The following PIGN variants were observed in gnomAD, a reference collection of about 807,000 sequenced individuals.
PIGN encodes the protein GPI ethanolamine phosphate transferase 1.
Under a neutral mutation model 125.4 loss-of-function variants are expected in PIGN, and 117 were observed. That is an observed-to-expected ratio of 0.93 (90% CI 0.80 to 1.09). The LOEUF (loss-of-function observed/expected upper bound fraction) is 1.09, where lower values mean the gene tolerates loss of function less well. Among genes scored for constraint, PIGN ranks in the 50% least tolerant of loss-of-function variants. The probability of loss-of-function intolerance (pLI) is 0.00; values close to 1 mark genes in which losing one functional copy is unlikely to be tolerated. For missense variants in PIGN, 1,075 were observed against 1,094.9 expected (o/e 0.98, Z 0.26); for synonymous variants, 392 against 377.8 (o/e 1.04, Z -0.44).
intron 30 of PIGN, among the ~76,000 whole-genome samples, chr18:62,071,866 A>ATATATATATATATATGTG (rs1168163852): frequency 3.1e-4 from 1 of 3,248 alleles, no homozygotes; most frequent in African/African-American, 1.0e-3. Flanking sequence ...CCTTTTCCAT[A>ATATATATATATATATGTG]TATATATATA....
At chr18:62,066,402 T>C (rs528242979) in intron 30 of PIGN, among the ~76,000 whole-genome samples, 13 of 152,204 alleles carry the variant, frequency 8.5e-5, no homozygotes, top group African/African-American at 1.2e-4. Flanking sequence ...CTGTGAACGA[T>C]AGTATCTACT....
rs78142914 is a variant in PIGN, at chr18:62,164,846, A to G, written c.-235-1190T>C. On this transcript the variant is annotated intron_variant, in intron 1 of 30. Coordinates refer to ENST00000640252, the MANE Select transcript of PIGN (RefSeq NM_176787.5). ...GGAGACTATTAGAAAGCTAGTTAGT[A>G]TGTAAAATAGGCCAAGAAAGAGATT... 0.013 allele frequency among the ~76,000 whole-genome samples: 1,951 copies of G among 152,328 alleles called. 82 individuals are homozygous for G. The East Asian group carries it at 0.13, about 10-fold the overall frequency.
At chr18:62,039,701 G>C (rs2030318128), downstream of PIGN, among the ~76,000 whole-genome samples, 1 of 88,306 alleles carries the variant, frequency 1.1e-5, no homozygotes, top group African/African-American at 3.8e-5. Context: ...CGCACCCCAT[G>C]TTTAGGGCCC....
intron 23 of PIGN, among the ~76,000 whole-genome samples, chr18:62,033,233 G>A (rs549198204): frequency 3.9e-5 from 6 of 152,202 alleles, no homozygotes; most frequent in South Asian, 4.2e-4. Context: ...AGAAATCCAC[G>A]CAAATAAGAA....
intron 30 of PIGN, among the ~76,000 whole-genome samples, chr18:62,047,573 C>G (rs767087334): frequency 1.3e-5 from 2 of 152,142 alleles, no homozygotes; most frequent in African/African-American, 4.8e-5. Context: ...GGTGCCGTAA[C>G]GCTGGTCCCT....
chr18:62,071,889 T>C (rs1376842546), intron 30 of PIGN, among the ~76,000 whole-genome samples: 1 of 128,576 alleles, frequency 7.8e-6, no homozygotes, highest in Admixed American at 7.5e-5. Context: ...TATATATATA[T>C]ATATATATAT....
At chr18:62,077,014 T>A (rs2033206034) in intron 28 of PIGN, among the ~76,000 whole-genome samples, 1 of 152,184 alleles carries the variant, frequency 6.6e-6, no homozygotes, top group Admixed American at 6.5e-5. Flanking sequence ...CTTCTGTGAA[T>A]CAAAGCACAA....
intron 14 of PIGN, among the ~76,000 whole-genome samples, chr18:62,127,963 T>C (rs1036963705): frequency 9.2e-5 from 14 of 152,068 alleles, no homozygotes; most frequent in African/African-American, 3.1e-4. Flanking sequence ...AACAAGAAAA[T>C]GCATGGGAAA....
chr18:62,069,636 G>A (rs1380284578), intron 30 of PIGN: 1 of 152,186 alleles, frequency 6.6e-6, no homozygotes, highest in Non-Finnish European at 1.5e-5. Flanking sequence ...GAGATACCCA[G>A]AGTCATCAAA....
At chr18:62,030,228 T>C (rs1221175016) in intron 23 of PIGN, among the ~76,000 whole-genome samples, 1 of 152,206 alleles carries the variant, frequency 6.6e-6, no homozygotes, top group Non-Finnish European at 1.5e-5. Context: ...GTTCTTGTGA[T>C]GGTGTCAGGC....
intron 1 of PIGN, chr18:62,186,434 C>T (rs1448581733): frequency 6.6e-6 from 1 of 152,170 alleles, no homozygotes; most frequent in Non-Finnish European, 1.5e-5. Flanking sequence ...CTGAAGGGTC[C>T]CTGTTGTGTA....
At chr18:62,145,353 A>T (rs906517859) in intron 10 of PIGN, among the ~76,000 whole-genome samples, 1 of 152,174 alleles carries the variant, frequency 6.6e-6, no homozygotes, top group Non-Finnish European at 1.5e-5. Context: ...TATATAAGAA[A>T]TCGCCCTCTG....
Position 62,115,209 on chromosome 18 carries a change from C to T in PIGN, c.1173-570G>A, listed in dbSNP as rs183000520. Among the ~76,000 whole-genome samples, 242 of 152,246 alleles carry T rather than the reference C, an allele frequency of 1.6e-3. 1 individual carries two copies. The highest frequency in any genetic ancestry group is 5.4e-3 in the African/African-American group (226 of 41,556). ...TCTTTCATTTCTCTTTCCACCATTTCCCTATCCTGTTTTACCAGAGTAGAA... is the reference window on the plus strand; with the variant it reads ...TCTTTCATTTCTCTTTCCACCATTTTCCTATCCTGTTTTACCAGAGTAGAA... On this transcript the variant is annotated intron_variant, in intron 14 of 30. Transcript: ENST00000640252.
chr18:62,085,284 T>C lies in PIGN; in HGVS notation c.2371-20A>G, dbSNP rs2145962958. 1 of 1,511,262 alleles carries C rather than the reference T, an allele frequency of 6.6e-7. No individual in the cohort carries two copies. Among genetic ancestry groups the C allele is most frequent in the African/African-American group, 1.4e-5 (1 of 72,174 alleles). 93.6% of individuals were successfully genotyped at this position (1,511,262 alleles called of 1,614,324 possible). A position where few individuals can be genotyped will look rare whatever the true frequency, so the allele number is the denominator to read the frequency against. ...GAAAACCTAAAGGGAGTCAAGGAAA[T>C]GGCAAAACAACTCAGATTTCATACA... On this transcript the variant is annotated intron_variant, in intron 25 of 30. Transcript: ENST00000640252.
intron 23 of PIGN, among the ~76,000 whole-genome samples, chr18:62,023,675 A>T (rs966410723): frequency 1.3e-5 from 2 of 152,204 alleles, no homozygotes; most frequent in Non-Finnish European, 2.9e-5. Flanking sequence ...CTGCAATTTC[A>T]TCTTCGTTGG....
chr18:62,113,396 T>A, intron 15 of PIGN, 80 bp from the exon 16 acceptor site: 2 of 972,278 alleles, frequency 2.1e-6, no homozygotes, highest in South Asian at 1.7e-5. Flanking sequence ...AATTTTAAAT[T>A]CCTAACAGCC....
chr18:62,042,270 G>A lies in PIGN; in HGVS notation c.*3586C>T, dbSNP rs2030407014. On this transcript the variant is annotated 3_prime_UTR_variant, in exon 31 of 31. Transcript: ENST00000640252. ...AGGGAGGCGGAGCTTGCAGTGAGCT[G>A]ACATTGCGCCACTGCATTCCAGCCT... 6.6e-6 allele frequency: 1 copy of A among 152,040 alleles called. No individual in the cohort carries two copies. The highest frequency in any genetic ancestry group is 2.4e-5 in the African/African-American group (1 of 41,374). 9.4% of individuals were successfully genotyped at this position (152,040 alleles called of 1,614,324 possible). A position where few individuals can be genotyped will look rare whatever the true frequency, so the allele number is the denominator to read the frequency against.
intron 28 of PIGN, among the ~76,000 whole-genome samples, chr18:62,077,663 C>T (rs1241511971): frequency 6.6e-6 from 1 of 152,098 alleles, no homozygotes; most frequent in Non-Finnish European, 1.5e-5. Flanking sequence ...AATACAGTGC[C>T]TGACATATGG....
chr18:62,130,831 A>G (rs1319674823), intron 14 of PIGN, among the ~76,000 whole-genome samples: 1 of 152,174 alleles, frequency 6.6e-6, no homozygotes, highest in Admixed American at 6.5e-5. Context: ...GTCTATTTAA[A>G]GGGAAAAATA....
Sources: gnomAD v4.1 joint callset for allele counts (sites outside exome capture counted in the v4.1 genomes callset) on GRCh38, gnomAD v4.1.1 for gene constraint, MANE v1.5 for transcripts, NCBI Gene and HGNC (gene_info 2026-07-23, HGNC 2026-07-21) for gene names.